Variants in MAF observed in about 807,000 individuals in gnomAD.
The protein encoded by MAF is MAF bZIP transcription factor.
Under a neutral mutation model 22.0 loss-of-function variants are expected in MAF, and 10 were observed. That is an observed-to-expected ratio of 0.45 (90% CI 0.28 to 0.77). The LOEUF (loss-of-function observed/expected upper bound fraction) is 0.77. Ranked by LOEUF, MAF falls within the 30% of genes least tolerant of loss-of-function variation. The pLI, the probability that MAF is intolerant of heterozygous loss-of-function variation, is 0.12. For missense variants in MAF, 544 were observed against 548.4 expected, an observed-to-expected ratio of 0.99 and a Z score of 0.08; for synonymous variants, 337 against 255.8, an observed-to-expected ratio of 1.32 and a Z score of -3.03.
the MAF span, among the ~76,000 whole-genome samples, chr16:79,445,110 T>C: frequency 6.6e-6 from 1 of 152,110 alleles, no homozygotes; most frequent in African/African-American, 2.4e-5. Flanking sequence ...CTCGGCTCAC[T>C]GCAAGCTCCT....
the MAF span, among the ~76,000 whole-genome samples, chr16:79,407,949 T>C: frequency 6.6e-6 from 1 of 151,954 alleles, no homozygotes; most frequent in Middle Eastern, 3.4e-3. Flanking sequence ...CAGGAATGAG[T>C]ATCAAGGATC....
At chr16:79,546,107 G>A in the MAF span, among the ~76,000 whole-genome samples, 11 of 152,066 alleles carry the variant, frequency 7.2e-5, no homozygotes, top group Non-Finnish European at 1.5e-5. Context: ...AATGTGGTAT[G>A]AGTGTTACCA....
chr16:79,248,478 T>C, the MAF span, among the ~76,000 whole-genome samples: 12 of 152,214 alleles, frequency 7.9e-5, no homozygotes, highest in African/African-American at 2.7e-4. Flanking sequence ...CCTTTCATAG[T>C]CAGAGACTTG....
chr16:79,528,157 G>A, the MAF span, among the ~76,000 whole-genome samples: 1 of 152,244 alleles, frequency 6.6e-6, no homozygotes, highest in East Asian at 1.9e-4. Flanking sequence ...GAAGCATGGA[G>A]TGAATTTAAG....
At chr16:79,228,573 C>T in the MAF span, among the ~76,000 whole-genome samples, 8 of 152,196 alleles carry the variant, frequency 5.3e-5, no homozygotes, top group East Asian at 5.8e-4. Context: ...GAGCCCCTGC[C>T]GGTGTTTCCT....
chr16:79,528,870 G>A, the MAF span, among the ~76,000 whole-genome samples: 35 of 152,260 alleles, frequency 2.3e-4, 1 homozygote, highest in Admixed American at 2.3e-3. Flanking sequence ...CTGGCTACCT[G>A]CAGTAATGTG....
the MAF span, among the ~76,000 whole-genome samples, chr16:79,334,767 G>A: frequency 3.3e-5 from 5 of 152,182 alleles, no homozygotes; most frequent in South Asian, 4.2e-4. Flanking sequence ...AAAGTAATGT[G>A]TCCCAGGCAG....
At chr16:79,406,984 G>T in the MAF span, among the ~76,000 whole-genome samples, 1 of 152,144 alleles carries the variant, frequency 6.6e-6, no homozygotes, top group Admixed American at 6.5e-5. Flanking sequence ...GAGCTGCAGG[G>T]ACAGTAGGCT....
chr16:79,598,688 G>A, intron 1 of MAF, 97 bp downstream of exon 1: 2 of 1,570,920 alleles, frequency 1.3e-6, no homozygotes, highest in Non-Finnish European at 1.7e-6. Context: ...GTGAGGTGGT[G>A]GCGAGCATGG....
At chr16:79,477,339 T>G in the MAF span, among the ~76,000 whole-genome samples, 3 of 152,102 alleles carry the variant, frequency 2.0e-5, no homozygotes, top group African/African-American at 7.2e-5. Flanking sequence ...AACAGAGAAA[T>G]TGAAGTGGCT....
the MAF span, among the ~76,000 whole-genome samples, chr16:79,537,501 G>A: frequency 3.3e-5 from 5 of 152,288 alleles, no homozygotes; most frequent in African/African-American, 7.2e-5. Context: ...CTCTAAGTTC[G>A]TGCGGCTGAG....
the MAF span, among the ~76,000 whole-genome samples, chr16:79,475,022 G>A: frequency 4.6e-5 from 7 of 152,174 alleles, no homozygotes; most frequent in African/African-American, 1.4e-4. Flanking sequence ...TCTGTCTATC[G>A]CTAACAGTAA....
the MAF span, among the ~76,000 whole-genome samples, chr16:79,270,216 C>T: frequency 1.3e-5 from 2 of 151,830 alleles, no homozygotes; most frequent in Non-Finnish European, 2.9e-5. Context: ...ACAGAAGGTA[C>T]CCCTTTAAAA....
At chr16:79,543,625 G>T in the MAF span, among the ~76,000 whole-genome samples, 1 of 151,874 alleles carries the variant, frequency 6.6e-6, no homozygotes, top group South Asian at 2.1e-4. Flanking sequence ...GGTGGCCAAG[G>T]GTCAATGCGA....
the MAF span, among the ~76,000 whole-genome samples, chr16:79,564,733 A>C: frequency 6.6e-6 from 1 of 152,228 alleles, no homozygotes; most frequent in Middle Eastern, 3.2e-3. Flanking sequence ...GCAGATCCCC[A>C]GCCCTGTGGA....
At chr16:79,232,353 T>G in the MAF span, among the ~76,000 whole-genome samples, 3 of 152,102 alleles carry the variant, frequency 2.0e-5, no homozygotes, top group Non-Finnish European at 2.9e-5. Context: ...CTTTTGTACT[T>G]TACAAAATTT....
chr16:79,295,814 G>T, the MAF span, among the ~76,000 whole-genome samples: 13 of 152,214 alleles, frequency 8.5e-5, no homozygotes, highest in African/African-American at 3.1e-4. Context: ...TCTCCCAGTG[G>T]CTCCTAAGGC....
the MAF span, among the ~76,000 whole-genome samples, chr16:79,209,480 T>G: frequency 2.0e-5 from 3 of 152,196 alleles, no homozygotes; most frequent in African/African-American, 4.8e-5. Context: ...TCATGACGTT[T>G]GAATGCTGAA....
At chr16:79,476,015 A>G in the MAF span, among the ~76,000 whole-genome samples, 1 of 152,234 alleles carries the variant, frequency 6.6e-6, no homozygotes, top group African/African-American at 2.4e-5. Context: ...CGACTTAATC[A>G]AAAGGGAGAT....
Sources: allele counts gnomAD v4.1 joint callset (sites outside exome capture counted in the v4.1 genomes callset), GRCh38; gene constraint gnomAD v4.1.1; transcripts MANE v1.5; gene names NCBI Gene and HGNC (gene_info 2026-07-23, HGNC 2026-07-21).